Variants in CADPS observed in about 807,000 individuals in gnomAD.
The protein encoded by CADPS is calcium dependent secretion activator, also known as calcium-dependent secretion activator 1.
In CADPS, 57 loss-of-function variants were observed where a neutral mutation model predicts 167.3. That is an observed-to-expected ratio of 0.34 (90% CI 0.28 to 0.42). The LOEUF (loss-of-function observed/expected upper bound fraction) is 0.42, where lower values mean the gene tolerates loss of function less well. Ranked by LOEUF, CADPS falls within the 20% of genes least tolerant of loss-of-function variation. The pLI, the probability that CADPS is intolerant of heterozygous loss-of-function variation, is 1.00. For synonymous variants in CADPS, 676 were observed against 635.3 expected, an observed-to-expected ratio of 1.06 and a Z score of -0.96; for missense variants, 1,414 against 1,738.1, an observed-to-expected ratio of 0.81 and a Z score of 3.32.
intron 1 of CADPS, among the ~76,000 whole-genome samples, chr3:62,867,726 A>C (rs1412920188): frequency 2.0e-5 from 3 of 152,068 alleles, no homozygotes; most frequent in African/African-American, 7.2e-5. Context: ...CTTTCAGATA[A>C]AAACACTGCA....
intron 3 of CADPS, among the ~76,000 whole-genome samples, chr3:62,698,421 C>T (rs2080749959): frequency 6.6e-6 from 1 of 152,000 alleles, no homozygotes; most frequent in African/African-American, 2.4e-5. Context: ...CTGGCCTGCC[C>T]AGGTACGATG....
chr3:62,606,040 T>C (rs2149197240), intron 6 of CADPS, among the ~76,000 whole-genome samples: 1 of 152,266 alleles, frequency 6.6e-6, no homozygotes, highest in East Asian at 1.9e-4. Flanking sequence ...GAACACTTCC[T>C]CTCACTCCCA....
rs1309919883 is a variant in CADPS, at chr3:62,516,725, C to G, written c.2394-82G>C. On this transcript the variant is annotated intron_variant, in intron 14 of 29. Transcript: ENST00000383710. The stretch of plus-strand genomic sequence containing the variant: ...TGCTGCAATTTGATTCCTATAGCAA[C>G]TCTCTCTGAGGAATGGAAAATGCTT... 5 of 975,418 alleles carry G rather than the reference C, an allele frequency of 5.1e-6. No homozygotes were observed. The African/African-American group carries it at 8.1e-5, about 16-fold the overall frequency. The allele number at this position is 975,418 out of a possible 1,614,324, so 60.4% of individuals were successfully genotyped here. A position where few individuals can be genotyped will look rare whatever the true frequency, so the allele number is the denominator to read the frequency against.
chr3:62,493,705 C>A, intron 18 of CADPS, 40 bp from the exon 19 acceptor site: 1 of 1,541,992 alleles, frequency 6.5e-7, no homozygotes, highest in Non-Finnish European at 8.8e-7. Flanking sequence ...AGTCATGGAC[C>A]ATTCTGCAAG....
chr3:62,858,305 T>C (rs2080093904), intron 1 of CADPS, among the ~76,000 whole-genome samples: 1 of 152,176 alleles, frequency 6.6e-6, no homozygotes, highest in Non-Finnish European at 1.5e-5. Context: ...CTCATGGTTC[T>C]AAGATGGCTG....
At chr3:62,647,483 C>G (rs989895735) in intron 5 of CADPS, among the ~76,000 whole-genome samples, 4 of 152,140 alleles carry the variant, frequency 2.6e-5, no homozygotes, top group Non-Finnish European at 5.9e-5. Flanking sequence ...GACCCAGAAG[C>G]CATACTTTCA....
intron 3 of CADPS, among the ~76,000 whole-genome samples, chr3:62,725,021 T>C (rs1453740176): frequency 2.0e-5 from 3 of 152,242 alleles, no homozygotes; most frequent in Admixed American, 6.5e-5. Flanking sequence ...CCAGGTGGCC[T>C]GGCCAGCCTG....
At chr3:62,528,553 G>A (rs771752987) in intron 13 of CADPS, among the ~76,000 whole-genome samples, 1 of 152,094 alleles carries the variant, frequency 6.6e-6, no homozygotes. Context: ...TATTTCACTT[G>A]TTATTGTAAT....
intron 1 of CADPS, among the ~76,000 whole-genome samples, chr3:62,839,086 G>A (rs1037740163): frequency 1.6e-4 from 24 of 152,190 alleles, no homozygotes; most frequent in African/African-American, 5.3e-4. Context: ...GGATTATGGG[G>A]ATACACATGA....
rs192995786 is a variant in CADPS, at chr3:62,715,248, A to G, written c.888+38193T>C. On this transcript the variant is annotated intron_variant, in intron 3 of 29. Transcript: ENST00000383710. ...TGGGGCTTATTATACTATTCTCTTT[A>G]TTTTAGCACATGTGAGGTATTTAGC... is the stretch of plus-strand genomic sequence containing the variant. 1.6e-3 allele frequency among the ~76,000 whole-genome samples: 239 copies of G among 152,152 alleles called. 1 individual carries two copies. Among genetic ancestry groups the G allele is most frequent in the Non-Finnish European group, 1.3e-3 (89 of 68,010 alleles).
intron 26 of CADPS, among the ~76,000 whole-genome samples, chr3:62,456,159 C>T (rs1560609488): frequency 1.3e-5 from 2 of 152,184 alleles, no homozygotes; most frequent in African/African-American, 4.8e-5. Context: ...GTTTCCGCAA[C>T]TGCAAAATGG....
intron 8 of CADPS, among the ~76,000 whole-genome samples, chr3:62,579,057 T>C (rs935520848): frequency 9.2e-5 from 14 of 152,220 alleles, no homozygotes; most frequent in Non-Finnish European, 1.8e-4. Context: ...TGTTACAAAC[T>C]GTATTCCTTT....
intron 3 of CADPS, among the ~76,000 whole-genome samples, chr3:62,664,343 A>AT (rs1395803181): frequency 4.6e-5 from 7 of 152,116 alleles, no homozygotes; most frequent in African/African-American, 1.7e-4. Flanking sequence ...TAGAATTTTT[A>AT]TTTTTTGCAT....
In CADPS at chr3:62,612,751, C is replaced by T. The variant is rs565925234; in HGVS notation, c.1326-20003G>A. ...GATTGGACAGCTGTCCTTGCTGTAT[C>T]CTCTGAGTTTTCCAGTGAATGGGGG... is the stretch of plus-strand genomic sequence containing the variant. On this transcript the variant is annotated intron_variant, in intron 6 of 29. Coordinates refer to ENST00000383710, the MANE Select transcript of CADPS (RefSeq NM_003716.4). Among the ~76,000 whole-genome samples, 24 of 152,270 alleles carry T rather than the reference C, an allele frequency of 1.6e-4. No homozygotes were observed. The East Asian group carries it at 4.4e-3, about 28-fold the overall frequency.
chr3:62,544,154 G>GT lies in CADPS; in HGVS notation c.1966+5748dup, dbSNP rs1486454917. 6.6e-6 allele frequency among the ~76,000 whole-genome samples: 1 copy of GT among 151,896 alleles called. No homozygotes were observed. The highest frequency in any genetic ancestry group is 2.4e-5 in the African/African-American group (1 of 41,386). ...GATTCAGTCTTGTCCTTAATTTCCT[G>GT]TTTTTGTGTGTGCTAGTTCCATGTA... On this transcript the variant is annotated intron_variant, in intron 11 of 29. Coordinates refer to ENST00000383710, the MANE Select transcript of CADPS (RefSeq NM_003716.4). The surrounding 1 kb of genome is among the most constrained non-coding windows in gnomAD (Gnocchi z 4.4).
intron 6 of CADPS, among the ~76,000 whole-genome samples, chr3:62,635,169 C>T (rs966395964): frequency 2.6e-5 from 4 of 152,130 alleles, no homozygotes; most frequent in African/African-American, 7.2e-5. Flanking sequence ...TTCCAAGTCC[C>T]GCTACATTTG....
At position 62,465,511 on chromosome 3, in the gene CADPS, C is replaced by A; in HGVS notation, c.3553-61G>T. On this transcript the variant is annotated intron_variant, in intron 25 of 29. Coordinates refer to ENST00000383710, the MANE Select transcript of CADPS (RefSeq NM_003716.4). The surrounding 1 kb of genome is among the most constrained non-coding windows in gnomAD (Gnocchi z 4.1). ...CAAACTATAATTGTTCACCATAAAG[C>A]ACATCATTTCCCCACCACATAAAGG... The A allele has an allele frequency of 1.7e-6, 2 of 1,155,218 alleles. No homozygotes were observed. The highest frequency in any genetic ancestry group is 2.9e-5 in the South Asian group (2 of 68,582). The allele number at this position is 1,155,218 out of a possible 1,614,324, so 71.6% of individuals were successfully genotyped here.
chr3:62,510,735 A>C (rs1393729498), intron 17 of CADPS, among the ~76,000 whole-genome samples: 1 of 152,026 alleles, frequency 6.6e-6, no homozygotes, highest in African/African-American at 2.4e-5. Flanking sequence ...TACAATTTGC[A>C]CCTGTAACTC....
chr3:62,678,696 T>G (rs1385990988), intron 3 of CADPS, among the ~76,000 whole-genome samples: 1 of 152,134 alleles, frequency 6.6e-6, no homozygotes, highest in African/African-American at 2.4e-5. Context: ...TGCCTATTAT[T>G]ACATACAAGT....
Sources: gnomAD v4.1 joint callset for allele counts (sites outside exome capture counted in the v4.1 genomes callset) on GRCh38, gnomAD v4.1.1 for gene constraint, Gnocchi (gnomAD v3.1) non-coding constraint, MANE v1.5 for transcripts, NCBI Gene and HGNC (gene_info 2026-07-23, HGNC 2026-07-21) for gene names.